Variants in MAP4K4 observed in about 807,000 individuals in gnomAD.
The protein encoded by MAP4K4 is HPK/GCK-like kinase HGK.
Under a neutral mutation model 189.6 loss-of-function variants are expected in MAP4K4, and 38 were observed. The observed-to-expected ratio is 0.20, with a 90% CI of 0.15 to 0.26. The LOEUF is 0.26. Among genes scored for constraint, MAP4K4 ranks in the 10% least tolerant of loss-of-function variants. The pLI, the probability that MAP4K4 is intolerant of heterozygous loss-of-function variation, is 1.00. For missense variants in MAP4K4, 1,054 were observed against 1,726.9 expected, an observed-to-expected ratio of 0.61 and a Z score of 6.91; for synonymous variants, 610 against 624.3, an observed-to-expected ratio of 0.98 and a Z score of 0.34.
chr2:101,801,284 G>A (rs1447054913), intron 3 of MAP4K4, among the ~76,000 whole-genome samples: 11 of 152,094 alleles, frequency 7.2e-5, no homozygotes, highest in African/African-American at 4.8e-5. Context: ...TGTACTCTCC[G>A]CTGTGATTTA....
rs570611497 is a variant in MAP4K4 at position 101,716,219 on chromosome 2, G to A, written c.123+17681G>A. Among the ~76,000 whole-genome samples the A allele has an allele frequency of 6.6e-5, 10 of 152,314 alleles. No homozygotes were observed. In the South Asian group the frequency reaches 1.9e-3, roughly 28 times the overall value. ...AACACTTTGGGAGGCCGAGGTGGGC[G>A]GATCACGAGGTCAGGAGATTGAGAC... On this transcript the variant is annotated intron_variant, in intron 2 of 32. Coordinates refer to ENST00000324219, the Ensembl canonical transcript of MAP4K4.
intron 15 of MAP4K4, 101 bp downstream of exon 15, chr2:101,859,965 G>GCTAAA: frequency 1.7e-6 from 2 of 1,178,786 alleles, no homozygotes; most frequent in Non-Finnish European, 2.5e-6. Flanking sequence ...ATAGAGTTTA[G>GCTAAA]CTAATTATCT....
At chr2:101,755,748 ACCCC>A (rs1446916970) in intron 2 of MAP4K4, among the ~76,000 whole-genome samples, 2 of 151,986 alleles carry the variant, frequency 1.3e-5, no homozygotes, top group Non-Finnish European at 2.9e-5. Flanking sequence ...ATTTAGGCCT[ACCCC>A]TTGCCTTGTT....
At chr2:101,740,162 T>TTTC in intron 2 of MAP4K4, among the ~76,000 whole-genome samples, 1 of 98,224 alleles carries the variant, frequency 1.0e-5, no homozygotes, top group South Asian at 2.5e-4. Flanking sequence ...TTTTTTTTTT[T>TTTC]TTTTTTTTTG....
intron 13 of MAP4K4, 27 bp downstream of exon 13, chr2:101,856,165 A>G (rs1255452437): frequency 1.3e-6 from 2 of 1,543,708 alleles, no homozygotes; most frequent in Non-Finnish European, 1.7e-6. Context: ...CATAGCAGGC[A>G]TACACTTGTG....
chr2:101,756,987 G>A (rs1483322673), intron 2 of MAP4K4, among the ~76,000 whole-genome samples: 4 of 152,104 alleles, frequency 2.6e-5, no homozygotes, highest in Middle Eastern at 3.2e-3. Context: ...CTTTAACACC[G>A]TTATTGATTC....
chr2:101,879,983 G>T (rs1018205177), intron 27 of MAP4K4, among the ~76,000 whole-genome samples: 2 of 151,956 alleles, frequency 1.3e-5, no homozygotes, highest in Non-Finnish European at 2.9e-5. Context: ...TCTTATGTTT[G>T]TATATCTTCT....
intron 2 of MAP4K4, among the ~76,000 whole-genome samples, chr2:101,783,824 T>C (rs2089133508): frequency 6.6e-6 from 1 of 152,156 alleles, no homozygotes; most frequent in Admixed American, 6.5e-5. Context: ...ATCTTCTCTT[T>C]TGATTTAGTG....
intron 2 of MAP4K4, among the ~76,000 whole-genome samples, chr2:101,737,454 TATA>T (rs1391398636): frequency 1.7e-3 from 65 of 37,386 alleles, no homozygotes; most frequent in Non-Finnish European, 2.2e-3. Context: ...TATATATATA[TATA>T]TATATTTTTT....
At chr2:101,744,009 T>C (rs2063999029) in intron 2 of MAP4K4, among the ~76,000 whole-genome samples, 1 of 152,202 alleles carries the variant, frequency 6.6e-6, no homozygotes, top group Non-Finnish European at 1.5e-5. Flanking sequence ...CTGCCTGTTT[T>C]CTTAAGTTGT....
intron 2 of MAP4K4, among the ~76,000 whole-genome samples, chr2:101,738,074 T>C (rs2061214462): frequency 6.6e-6 from 1 of 152,210 alleles, no homozygotes; most frequent in African/African-American, 2.4e-5. Flanking sequence ...TGGACCATGT[T>C]GCCTCCAGTG....
intron 2 of MAP4K4, among the ~76,000 whole-genome samples, chr2:101,732,644 C>T (rs762188412): frequency 1.3e-5 from 2 of 152,108 alleles, no homozygotes; most frequent in Non-Finnish European, 2.9e-5. Context: ...GAGTGCAGTG[C>T]AGTGGCACCA....
intron 2 of MAP4K4, among the ~76,000 whole-genome samples, chr2:101,720,531 G>A (rs77098621): frequency 0.067 from 10,257 of 152,150 alleles, 435 homozygotes; most frequent in African/African-American, 0.12. Context: ...GTGAGGTGGA[G>A]GGACTGACTG....
Position 101,881,875 on chromosome 2 carries a change from G to A in MAP4K4, c.3386-676G>A, listed in dbSNP as rs570958557. On this transcript the variant is annotated intron_variant, in intron 27 of 32. Transcript: ENST00000324219. ...TGTTGCTTGTAGCTGTAGTCTCTTT[G>A]TTCCTTTAGATGACTACACCACAAT... Among the ~76,000 whole-genome samples the A allele has an allele frequency of 6.6e-5, 10 of 152,180 alleles. No homozygotes were observed. In the East Asian group the frequency reaches 1.7e-3, roughly 26 times the overall value.
At chr2:101,829,040 A>T (rs951585197) in intron 5 of MAP4K4, among the ~76,000 whole-genome samples, 2 of 152,184 alleles carry the variant, frequency 1.3e-5, no homozygotes, top group East Asian at 1.9e-4. Context: ...GCAGTTTGTC[A>T]CTGTGCAGTG....
chr2:101,856,995 G>A (rs73943802), intron 13 of MAP4K4, among the ~76,000 whole-genome samples: 1,763 of 152,278 alleles, frequency 0.012, 38 homozygotes, highest in African/African-American at 0.04. Flanking sequence ...TTTCAGTGAC[G>A]CTTTTTATGT....
chr2:101,738,197 T>C (rs2061260544), intron 2 of MAP4K4, among the ~76,000 whole-genome samples: 1 of 152,162 alleles, frequency 6.6e-6, no homozygotes, highest in Admixed American at 6.6e-5. Flanking sequence ...CAAAAATACA[T>C]TCCTAGGTAA....
intron 27 of MAP4K4, among the ~76,000 whole-genome samples, chr2:101,878,606 AT>A (rs1181035999): frequency 6.6e-6 from 1 of 152,166 alleles, no homozygotes; most frequent in Non-Finnish European, 1.5e-5. Context: ...TTTCACAGAT[AT>A]CCTTGTAGCT....
chr2:101,861,048 G>T, intron 16 of MAP4K4, 62 bp downstream of exon 16: 1 of 1,448,524 alleles, frequency 6.9e-7, no homozygotes, highest in Non-Finnish European at 9.3e-7. Context: ...TGAGCCGCAG[G>T]CCTGCTGTAA....
Sources: allele counts gnomAD v4.1 joint callset (sites outside exome capture counted in the v4.1 genomes callset), GRCh38; gene constraint gnomAD v4.1.1; transcripts MANE v1.5; gene names NCBI Gene and HGNC (gene_info 2026-07-23, HGNC 2026-07-21).